Variants in LNPK observed in about 807,000 individuals in gnomAD.
The protein encoded by LNPK is endoplasmic reticulum junction formation protein lunapark.
In LNPK, 29 loss-of-function variants were observed where a neutral mutation model predicts 55.2. The observed-to-expected ratio is 0.53, with a 90% CI of 0.39 to 0.72. The LOEUF (loss-of-function observed/expected upper bound fraction) is 0.72. LNPK is among the 30% of genes least tolerant of loss of function. The pLI, the probability that LNPK is intolerant of heterozygous loss-of-function variation, is 0.00. For missense variants in LNPK, 467 were observed against 494.8 expected (o/e 0.94, Z 0.53); for synonymous variants, 162 against 168.2 (o/e 0.96, Z 0.29).
chr2:175,995,804 CTTTTTTT>C (rs10674444), intron 1 of LNPK, among the ~76,000 whole-genome samples, 158 bp from the exon 2 acceptor site: 6 of 66,398 alleles, frequency 9.0e-5, no homozygotes, highest in East Asian at 6.2e-4. Flanking sequence ...TAGAGTCTAC[CTTTTTTT>C]TTTTTTTTTT....
At chr2:175,967,886 G>T in intron 6 of LNPK, 1 of 396,066 alleles carries the variant, frequency 2.5e-6, no homozygotes, top group Non-Finnish European at 3.4e-6. Flanking sequence ...CCGCTATAAG[G>T]TTAAGAACTC....
intron 9 of LNPK, 108 bp downstream of exon 9, chr2:175,947,369 TCTG>T: frequency 2.5e-6 from 2 of 815,958 alleles, no homozygotes; most frequent in Non-Finnish European, 3.9e-6. Flanking sequence ...AGATAACTGC[TCTG>T]CTATTTCCAA....
At chr2:175,993,657 G>T (rs890019114) in intron 2 of LNPK, among the ~76,000 whole-genome samples, 1 of 152,094 alleles carries the variant, frequency 6.6e-6, no homozygotes, top group Non-Finnish European at 1.5e-5. Flanking sequence ...GCTGGGCGTG[G>T]TGGCATGCGC....
chr2:175,930,466 CA>C (rs900439164), intron 12 of LNPK, among the ~76,000 whole-genome samples: 248 of 152,152 alleles, frequency 1.6e-3, no homozygotes, highest in African/African-American at 5.8e-3. Flanking sequence ...CCCATATTTT[CA>C]TACAAAATAA....
chr2:175,969,574 A>G (rs1686556196), intron 6 of LNPK, among the ~76,000 whole-genome samples: 2 of 151,866 alleles, frequency 1.3e-5, no homozygotes, highest in East Asian at 3.9e-4. Context: ...ATATTTCTCC[A>G]TTTTGGTATA....
intron 5 of LNPK, among the ~76,000 whole-genome samples, chr2:175,971,244 T>C (rs1686649398): frequency 6.6e-6 from 1 of 152,126 alleles, no homozygotes. Context: ...CCTGAAGATA[T>C]TAAGCACGAC....
intron 5 of LNPK, 103 bp from the exon 6 acceptor site, chr2:175,970,907 G>C (rs1686628998): frequency 9.4e-7 from 1 of 1,066,528 alleles, no homozygotes. Flanking sequence ...TCTTATTTTA[G>C]GATTTTTCAA....
chr2:175,941,267 A>ATATATT (rs71004250), intron 9 of LNPK, among the ~76,000 whole-genome samples: 4,663 of 144,052 alleles, frequency 0.032, 117 homozygotes, highest in African/African-American at 0.068. Flanking sequence ...AAGCAGCCTA[A>ATATATT]TATATTTATA....
intron 8 of LNPK, among the ~76,000 whole-genome samples, chr2:175,951,112 CTT>C (rs1409019468): frequency 6.6e-6 from 1 of 151,968 alleles, no homozygotes; most frequent in Non-Finnish European, 1.5e-5. Context: ...TTTAAATACT[CTT>C]TTTATGCTGC....
intron 1 of LNPK, 98 bp from the exon 2 acceptor site, chr2:175,995,744 T>G (rs929245455): frequency 6.0e-6 from 3 of 498,232 alleles, no homozygotes; most frequent in Non-Finnish European, 1.1e-5. Context: ...GAAATATTAA[T>G]TTATTTGGAT....
intron 5 of LNPK, among the ~76,000 whole-genome samples, chr2:175,971,611 G>T (rs1686666660): frequency 6.6e-6 from 1 of 151,870 alleles, no homozygotes; most frequent in South Asian, 2.1e-4. Flanking sequence ...GAAATTCTAG[G>T]TAACAAATAC....
At chr2:175,940,858 T>G in intron 9 of LNPK, 1 of 326,914 alleles carries the variant, frequency 3.1e-6, no homozygotes, top group Non-Finnish European at 6.0e-6. Context: ...AAAACTACAA[T>G]GTCTAGTATA....
At chr2:175,961,600 T>C (rs563352677) in intron 8 of LNPK, among the ~76,000 whole-genome samples, 5 of 152,318 alleles carry the variant, frequency 3.3e-5, no homozygotes, top group Admixed American at 6.5e-5. Flanking sequence ...AATATCATAT[T>C]GAATGGGCAA....
intron 8 of LNPK, among the ~76,000 whole-genome samples, chr2:175,959,210 C>A (rs1326489236): frequency 6.6e-6 from 1 of 152,126 alleles, no homozygotes; most frequent in Non-Finnish European, 1.5e-5. Flanking sequence ...CCAGGAAATA[C>A]AGAGAATACC....
At chr2:175,970,120 A>G (rs1308775045) in intron 6 of LNPK, among the ~76,000 whole-genome samples, 1 of 152,190 alleles carries the variant, frequency 6.6e-6, no homozygotes, top group African/African-American at 2.4e-5. Flanking sequence ...AAAAATTAGT[A>G]GCTCTATGTC....
chr2:175,947,554 G>C lies in LNPK; in HGVS notation c.632C>G (p.Thr211Ser). Residue 211 changes from threonine to serine, a missense_variant, in exon 9 of 13, where the codon ACT becomes AGT. By Grantham distance (58) the Thr-to-Ser change is moderately conservative. Coordinates refer to ENST00000272748, the MANE Select transcript of LNPK (RefSeq NM_030650.3). ...SSAPGGPPER[T>S]VTPALSSNVL... ...ATTTGATGATAGGGCTGGAGTAACA[G>C]TCCTTTCTGGGGGTCCACCAGGGGC... 2.5e-6 allele frequency: 4 copies of C among 1,614,078 alleles called. No individual in the cohort carries two copies. The highest frequency in any genetic ancestry group is 3.4e-6 in the Non-Finnish European group (4 of 1,179,978).
intron 6 of LNPK, 121 bp from the exon 7 acceptor site, chr2:175,964,710 A>G: frequency 3.2e-6 from 2 of 626,994 alleles, no homozygotes; most frequent in East Asian, 5.5e-5. Context: ...AAGACTTCCT[A>G]CATTCGAATA....
At chr2:175,962,789 T>G (rs1686113660) in intron 8 of LNPK, among the ~76,000 whole-genome samples, 1 of 151,856 alleles carries the variant, frequency 6.6e-6, no homozygotes, top group Admixed American at 6.6e-5. Context: ...GGGAGAAAAT[T>G]TTTGCAATCT....
At chr2:175,954,736 C>T (rs890871959) in intron 8 of LNPK, among the ~76,000 whole-genome samples, 1 of 152,156 alleles carries the variant, frequency 6.6e-6, no homozygotes, top group African/African-American at 2.4e-5. Context: ...TGGTAAATTA[C>T]TATTTTATAA....
Sources: allele counts gnomAD v4.1 joint callset (sites outside exome capture counted in the v4.1 genomes callset), GRCh38; gene constraint gnomAD v4.1.1; transcripts MANE v1.5; gene names NCBI Gene and HGNC (gene_info 2026-07-23, HGNC 2026-07-21).